Variants in STRN3 observed in about 807,000 individuals in gnomAD.
STRN3 encodes striatin 3, also known as striatin-3.
Under a neutral mutation model 95.6 loss-of-function variants are expected in STRN3, and 29 were observed. That is an observed-to-expected ratio of 0.30 (90% confidence interval 0.23 to 0.41). STRN3 has a LOEUF of 0.41. Among genes scored for constraint, STRN3 ranks in the 10% least tolerant of loss-of-function variants. The pLI, the probability that STRN3 is intolerant of heterozygous loss-of-function variation, is 1.00. For synonymous variants in STRN3, 331 were observed against 357.6 expected (o/e 0.93, Z 0.84); for missense variants, 890 against 972.1 (o/e 0.92, Z 1.12).
chr14:30,977,703 G>C (rs1197125000), intron 1 of STRN3, among the ~76,000 whole-genome samples: 1 of 144,924 alleles, frequency 6.9e-6, no homozygotes, highest in Non-Finnish European at 1.5e-5. Flanking sequence ...TGAGGCAGGA[G>C]AATCGCTTGA....
intron 1 of STRN3, among the ~76,000 whole-genome samples, chr14:31,011,580 T>C (rs1882970065): frequency 1.3e-5 from 2 of 152,214 alleles, no homozygotes; most frequent in South Asian, 4.1e-4. Flanking sequence ...AATGTGAAGG[T>C]TGCTGTGAGC....
chr14:30,968,604 C>T (rs892781145), intron 1 of STRN3, among the ~76,000 whole-genome samples: 3 of 150,724 alleles, frequency 2.0e-5, no homozygotes, highest in Admixed American at 6.6e-5. Flanking sequence ...GGCGTGAACC[C>T]GGGAGGCAGA....
chr14:30,999,709 T>C (rs910700976), intron 1 of STRN3, among the ~76,000 whole-genome samples: 1 of 152,040 alleles, frequency 6.6e-6, no homozygotes, highest in Non-Finnish European at 1.5e-5. Context: ...AACATATGCA[T>C]GATGAGAATC....
chr14:30,957,250 C>G (rs1008546901), intron 1 of STRN3, among the ~76,000 whole-genome samples: 2 of 151,984 alleles, frequency 1.3e-5, no homozygotes, highest in African/African-American at 4.8e-5. Flanking sequence ...GTCAGGAGAT[C>G]GAGACCATCC....
At chr14:30,931,001 A>G (rs1878508338) in intron 7 of STRN3, among the ~76,000 whole-genome samples, 1 of 152,206 alleles carries the variant, frequency 6.6e-6, no homozygotes. Flanking sequence ...AATAAGAGCC[A>G]AATAGTTTTC....
chr14:30,944,703 T>G (rs1473446328), intron 5 of STRN3, among the ~76,000 whole-genome samples: 1 of 150,814 alleles, frequency 6.6e-6, no homozygotes, highest in Non-Finnish European at 1.5e-5. Flanking sequence ...ACTGCAACCT[T>G]TGCCTCCTGG....
intron 1 of STRN3, among the ~76,000 whole-genome samples, chr14:30,960,791 C>T (rs533466565): frequency 6.6e-6 from 1 of 150,408 alleles, no homozygotes; most frequent in African/African-American, 2.5e-5. Context: ...ATGGCGTGAA[C>T]CCGAGAGGCG....
chr14:30,961,409 A>G (rs140686710), intron 1 of STRN3, among the ~76,000 whole-genome samples: 3 of 152,344 alleles, frequency 2.0e-5, no homozygotes, highest in African/African-American at 7.2e-5. Context: ...GGGGTCCCAT[A>G]TGATTATAAT....
chr14:31,010,572 T>G (rs1882925129), intron 1 of STRN3, among the ~76,000 whole-genome samples: 1 of 152,056 alleles, frequency 6.6e-6, no homozygotes, highest in Admixed American at 6.6e-5. Flanking sequence ...TTTAAAAATA[T>G]CTGAACTTTT....
At chr14:30,936,684 T>C (rs1878839047) in intron 5 of STRN3, 60 bp from the exon 6 acceptor site, 3 of 1,543,840 alleles carry the variant, frequency 1.9e-6, no homozygotes, top group Admixed American at 4.4e-5. Context: ...AATATTTCTT[T>C]CTGGTTCCCA....
chr14:30,981,146 TA>T (rs1881375145), intron 1 of STRN3, among the ~76,000 whole-genome samples: 1 of 150,370 alleles, frequency 6.7e-6, no homozygotes, highest in African/African-American at 2.5e-5. Context: ...ATCTTGTCTC[TA>T]CAAAAAAAAG....
chr14:30,955,727 A>G, intron 2 of STRN3, 34 bp from the exon 3 acceptor site: 1 of 1,522,678 alleles, frequency 6.6e-7, no homozygotes, highest in Non-Finnish European at 8.9e-7. Flanking sequence ...TAAAATCACA[A>G]CTTCTTCTTT....
chr14:30,950,220 A>C (rs1879571236), intron 4 of STRN3, among the ~76,000 whole-genome samples: 1 of 152,204 alleles, frequency 6.6e-6, no homozygotes, highest in African/African-American at 2.4e-5. Flanking sequence ...GGTGGAATGC[A>C]TGATGACTGT....
intron 5 of STRN3, among the ~76,000 whole-genome samples, chr14:30,937,472 A>C (rs1878878269): frequency 6.6e-6 from 1 of 152,226 alleles, no homozygotes; most frequent in African/African-American, 2.4e-5. Flanking sequence ...AGAATCACTT[A>C]TTTAACAGGT....
chr14:31,012,620 G>A (rs759841824), intron 1 of STRN3, among the ~76,000 whole-genome samples: 39 of 152,194 alleles, frequency 2.6e-4, no homozygotes, highest in Admixed American at 7.9e-4. Flanking sequence ...AGGGTCAGGC[G>A]CGGTGGCTCA....
intron 1 of STRN3, among the ~76,000 whole-genome samples, chr14:30,979,773 T>TA (rs1303324936): frequency 6.6e-6 from 1 of 151,942 alleles, no homozygotes; most frequent in Admixed American, 6.6e-5. Flanking sequence ...CTAATTTTTG[T>TA]ATTTTTAGTA....
intron 5 of STRN3, among the ~76,000 whole-genome samples, chr14:30,943,870 C>T (rs2139100866): frequency 6.6e-6 from 1 of 151,816 alleles, no homozygotes; most frequent in African/African-American, 2.4e-5. Context: ...TTGCCAGGGG[C>T]CGGAGGGAGG....
intron 8 of STRN3, among the ~76,000 whole-genome samples, chr14:30,924,534 T>C (rs1896971698): frequency 6.6e-6 from 1 of 152,016 alleles, no homozygotes; most frequent in Non-Finnish European, 1.5e-5. Flanking sequence ...TCAGGTGATC[T>C]GCCCGCCTCA....
chr14:30,959,711 C>T (rs1370946481), intron 1 of STRN3, among the ~76,000 whole-genome samples: 1 of 151,914 alleles, frequency 6.6e-6, no homozygotes, highest in African/African-American at 2.4e-5. Flanking sequence ...ATGCCAGCTA[C>T]TTGGGAAGCT....
Sources: gnomAD v4.1 joint callset for allele counts (sites outside exome capture counted in the v4.1 genomes callset) on GRCh38, gnomAD v4.1.1 for gene constraint, MANE v1.5 for transcripts, NCBI Gene and HGNC (gene_info 2026-07-23, HGNC 2026-07-21) for gene names.